The following NHSL1 variants were observed in gnomAD, a reference collection of about 807,000 sequenced individuals.
NHSL1 encodes the protein NHS-like protein 1.
Under a neutral mutation model 95.0 loss-of-function variants are expected in NHSL1, and 48 were observed. The ratio of observed to expected loss-of-function variants is 0.51; its 90% CI spans 0.40 to 0.64. NHSL1 has a LOEUF of 0.64. Among genes scored for constraint, NHSL1 ranks in the 30% least tolerant of loss-of-function variants. The pLI is 0.00. For synonymous variants in NHSL1, 783 were observed against 833.9 expected (o/e 0.94, Z 1.05); for missense variants, 1,971 against 2,077.7 (o/e 0.95, Z 1.00).
chr6:138,466,049 G>GGGGC (rs386408760), intron 3 of NHSL1, among the ~76,000 whole-genome samples: 2 of 137,318 alleles, frequency 1.5e-5, no homozygotes, highest in African/African-American at 5.5e-5. Context: ...TTTGGGGGGG[G>GGGGC]GGCAGGGGGG....
chr6:138,458,378 C>T (rs371477446), intron 3 of NHSL1, among the ~76,000 whole-genome samples: 1 of 152,196 alleles, frequency 6.6e-6, no homozygotes, highest in East Asian at 1.9e-4. Flanking sequence ...TTAGTCGTCT[C>T]TCTCCTCCTC....
chr6:138,500,473 T>C (rs1780615282), upstream of NHSL1, among the ~76,000 whole-genome samples: 1 of 152,240 alleles, frequency 6.6e-6, no homozygotes, highest in Admixed American at 6.5e-5. Context: ...GAAAAGAATC[T>C]TCCTCACATC....
At position 138,429,758 on chromosome 6, in the gene NHSL1, G is replaced by T; in HGVS notation, c.4038C>A (p.Thr1346=). Residue 1346 remains threonine (T), a synonymous_variant, in exon 7 of 8, where the codon ACC becomes ACA. Coordinates refer to ENST00000343505, the MANE Select transcript of NHSL1 (RefSeq NM_001144060.2). Reference sequence around the variant, plus strand: ...CTTCTGTGGTCCTGGGTCGACTGGGGGTCATTACCTCATCATTCCCGTCTT... The same window carrying T: ...CTTCTGTGGTCCTGGGTCGACTGGGTGTCATTACCTCATCATTCCCGTCTT... ...LKEDGNDEVM[T]PSRPRTTEDL... 1.3e-6 allele frequency: 2 copies of T among 1,551,818 alleles called. No homozygotes were observed. The highest frequency in any genetic ancestry group is 2.4e-5 in the South Asian group (2 of 84,050).
chr6:138,555,835 A>C (rs1783177312), intron 1 of NHSL1, among the ~76,000 whole-genome samples: 1 of 152,226 alleles, frequency 6.6e-6, no homozygotes, highest in African/African-American at 2.4e-5. Flanking sequence ...GACTAACAGA[A>C]AGGAACACAC....
intron 1 of NHSL1, among the ~76,000 whole-genome samples, chr6:138,594,929 TCA>T (rs1396509661): frequency 6.6e-6 from 1 of 152,180 alleles, no homozygotes; most frequent in Non-Finnish European, 1.5e-5. Context: ...GGCTGCTGGT[TCA>T]CACGTGAGCC....
intron 2 of NHSL1, among the ~76,000 whole-genome samples, chr6:138,476,592 C>T (rs1224539512): frequency 2.6e-5 from 4 of 151,912 alleles, no homozygotes; most frequent in East Asian, 1.9e-4. Context: ...TATGGGAGGC[C>T]GAGGCAGGCG....
At chr6:138,610,069 CT>C (rs1784488787) in intron 1 of NHSL1, among the ~76,000 whole-genome samples, 1 of 152,168 alleles carries the variant, frequency 6.6e-6, no homozygotes, top group South Asian at 2.1e-4. Flanking sequence ...CCTGTTTCAA[CT>C]TCCACAAGAA....
chr6:138,616,586 T>G (rs541396490), intron 1 of NHSL1, among the ~76,000 whole-genome samples: 2 of 151,960 alleles, frequency 1.3e-5, no homozygotes, highest in East Asian at 3.9e-4. Flanking sequence ...GAAAGCTGAT[T>G]TGGGTGTACC....
intron 1 of NHSL1, among the ~76,000 whole-genome samples, chr6:138,621,627 C>G (rs1784665576): frequency 6.6e-6 from 1 of 152,086 alleles, no homozygotes; most frequent in South Asian, 2.1e-4. Flanking sequence ...TGTGTGCCAC[C>G]ACGACCAGCT....
intron 1 of NHSL1, among the ~76,000 whole-genome samples, chr6:138,554,521 G>C (rs117945570): frequency 1.3e-5 from 2 of 152,276 alleles, no homozygotes; most frequent in East Asian, 3.9e-4. Flanking sequence ...ACCAGAGAGC[G>C]TAACTGGACT....
rs78625712 is a variant in NHSL1, at chr6:138,520,744, T to C, written c.17-24373A>G. On this transcript the variant is annotated intron_variant, in intron 1 of 4. Coordinates refer to the NHSL1 transcript ENST00000342260. ...AAGAACAACTGATTTCTACTTTTTG[T>C]GACAAACACATGGGCTTCAACCAGA... Among the ~76,000 whole-genome samples, 1,294 of 152,328 alleles carry C rather than the reference T, an allele frequency of 8.5e-3. 23 individuals carry two copies. The highest frequency in any genetic ancestry group is 0.049 in the Admixed American group (747 of 15,300).
At chr6:138,467,874 G>A (rs548398785) in intron 3 of NHSL1, among the ~76,000 whole-genome samples, 1 of 152,258 alleles carries the variant, frequency 6.6e-6, no homozygotes, top group East Asian at 1.9e-4. Flanking sequence ...AAGTAAAAAA[G>A]TTACAATAAG....
chr6:138,446,195 G>A (rs1007557702), intron 4 of NHSL1, among the ~76,000 whole-genome samples: 4 of 152,038 alleles, frequency 2.6e-5, no homozygotes, highest in African/African-American at 9.6e-5. Flanking sequence ...GTGCCACCAC[G>A]CCCTGCTAAT....
At chr6:138,521,020 T>C (rs779468653) in intron 1 of NHSL1, among the ~76,000 whole-genome samples, 2 of 152,156 alleles carry the variant, frequency 1.3e-5, no homozygotes, top group Non-Finnish European at 1.5e-5. Flanking sequence ...GGTATGCCTA[T>C]AATGGGAGCT....
At chr6:138,579,065 C>T (rs1031237947) in intron 1 of NHSL1, among the ~76,000 whole-genome samples, 8 of 152,216 alleles carry the variant, frequency 5.3e-5, no homozygotes, top group Non-Finnish European at 7.3e-5. Context: ...ACCTAGATCC[C>T]TGGCATGCAT....
intron 1 of NHSL1, among the ~76,000 whole-genome samples, chr6:138,627,724 A>C (rs942196877): frequency 6.6e-6 from 1 of 151,886 alleles, no homozygotes; most frequent in African/African-American, 2.4e-5. Context: ...TCTACCAAAA[A>C]TAAAAAATTA....
At chr6:138,506,315 G>T (rs1411228794) in intron 1 of NHSL1, among the ~76,000 whole-genome samples, 1 of 152,106 alleles carries the variant, frequency 6.6e-6, no homozygotes, top group African/African-American at 2.4e-5. Context: ...ATTATGTACA[G>T]TCTGTAATTC....
chr6:138,620,286 A>G (rs2114625676), intron 1 of NHSL1, among the ~76,000 whole-genome samples: 1 of 152,350 alleles, frequency 6.6e-6, no homozygotes, highest in Admixed American at 6.5e-5. Flanking sequence ...ATTTGTCAAC[A>G]GATCAACATC....
In NHSL1 at chr6:138,520,737, C is replaced by A. The variant is rs148496105; in HGVS notation, c.17-24366G>T. Among the ~76,000 whole-genome samples the A allele has an allele frequency of 2.0e-5, 3 of 152,298 alleles. No individual in the cohort carries two copies. In the East Asian group the frequency reaches 5.8e-4, roughly 29 times the overall value. On this transcript the variant is annotated intron_variant, in intron 1 of 4. Coordinates refer to the NHSL1 transcript ENST00000342260. ...AGCCTGAAAGAACAACTGATTTCTA[C>A]TTTTTGTGACAAACACATGGGCTTC...
Sources: allele counts gnomAD v4.1 joint callset (sites outside exome capture counted in the v4.1 genomes callset), GRCh38; gene constraint gnomAD v4.1.1; transcripts MANE v1.5; gene names NCBI Gene and HGNC (gene_info 2026-07-23, HGNC 2026-07-21).